The following ZMYM2 variants were observed in gnomAD, a reference collection of about 807,000 sequenced individuals.
ZMYM2 encodes zinc finger MYM-type containing 2.
Under a neutral mutation model 162.8 loss-of-function variants are expected in ZMYM2, and 56 were observed. That is an observed-to-expected ratio of 0.34 (90% confidence interval 0.28 to 0.43). The LOEUF (loss-of-function observed/expected upper bound fraction) is 0.43. Among genes scored for constraint, ZMYM2 ranks in the 20% least tolerant of loss-of-function variants. The pLI, the probability that ZMYM2 is intolerant of heterozygous loss-of-function variation, is 1.00. For missense variants in ZMYM2, 1,275 were observed against 1,621.8 expected (o/e 0.79, Z 3.67); for synonymous variants, 510 against 541.6 (o/e 0.94, Z 0.81).
Position 20,019,616 on chromosome 13 carries a change from G to A in ZMYM2, c.1582G>A (p.Glu528Lys). The A allele has an allele frequency of 6.3e-7, 1 of 1,591,072 alleles. No individual in the cohort carries two copies. Among genetic ancestry groups the A allele is most frequent in the South Asian group, 1.2e-5 (1 of 86,948 alleles). ...GCAGGACTCTTTCTTAATGCAGCCT[G>A]AGGTAAGCAGGAATGTAAATGGAGT... Reference protein sequence around the residue: ...HMQDSFLMQPEKYGKLTTCTG... With the variant: ...HMQDSFLMQPKKYGKLTTCTG... The change falls in exon 7 of 25, where the codon GAG becomes AAG. Residue 528 changes from glutamate (E) to lysine (K), a missense_variant and splice_region_variant. Physicochemically the swap from Glu to Lys is moderately conservative, Grantham distance 56 (BLOSUM62 1). Around this residue, in one of 10 missense-constraint regions of ZMYM2, gnomAD observed 276 missense variants for 311.8 expected, o/e 0.89. Coordinates refer to ENST00000610343, the MANE Select transcript of ZMYM2 (RefSeq NM_197968.4).
chr13:19,918,318 G>A, the ZMYM2 span, among the ~76,000 whole-genome samples: 104,557 of 150,780 alleles, frequency 0.69, 37,322 homozygotes, highest in East Asian at 0.85. Flanking sequence ...GATGGCAGGC[G>A]CCTATAGTCC....
upstream of ZMYM2, among the ~76,000 whole-genome samples, chr13:19,957,597 C>A (rs1039806269): frequency 3.9e-5 from 6 of 152,244 alleles, no homozygotes; most frequent in South Asian, 2.1e-4. Flanking sequence ...TCCGCTCCCC[C>A]CGGCGGCCGC....
chr13:20,057,702 A>T (rs1005768598), intron 14 of ZMYM2, among the ~76,000 whole-genome samples: 1 of 152,248 alleles, frequency 6.6e-6, no homozygotes, highest in Non-Finnish European at 1.5e-5. Flanking sequence ...TTATTAAAAA[A>T]TACTGTATGA....
the ZMYM2 span, among the ~76,000 whole-genome samples, chr13:19,918,980 G>T: frequency 6.6e-6 from 1 of 152,036 alleles, no homozygotes; most frequent in Non-Finnish European, 1.5e-5. Context: ...TCACCTCAAA[G>T]ATGTCCCATG....
At position 19,993,248 on chromosome 13, in the gene ZMYM2, A is replaced by T. The variant is rs1317869278; in HGVS notation, c.176A>T (p.Asp59Val). 1.2e-6 allele frequency: 2 copies of T among 1,613,966 alleles called. No individual in the cohort carries two copies. Among genetic ancestry groups the T allele is most frequent in the Non-Finnish European group, 8.5e-7 (1 of 1,179,888 alleles). ...AACTCGTCAGTGGAAGATGATGATG[A>T]TGTTGTTTTTATCGAACCTGTACAA... ...FQNSSVEDDDDVVFIEPVQPP... is the reference protein window; with the variant it reads ...FQNSSVEDDDVVVFIEPVQPP... Residue 59 changes from aspartate to valine, a missense_variant, in exon 3 of 25, where the codon GAT becomes GTT. Physicochemically the swap from Asp to Val is radical, Grantham distance 152. Coordinates refer to ENST00000610343, the MANE Select transcript of ZMYM2 (RefSeq NM_197968.4).
At chr13:20,077,080 G>A (rs559426251) in intron 21 of ZMYM2, among the ~76,000 whole-genome samples, 5 of 150,296 alleles carry the variant, frequency 3.3e-5, no homozygotes, top group South Asian at 2.1e-4. Flanking sequence ...GAGCCACCAC[G>A]CCTGGCCTCT....
chr13:20,069,946 A>G (rs1165212942), intron 21 of ZMYM2, among the ~76,000 whole-genome samples: 5 of 152,026 alleles, frequency 3.3e-5, no homozygotes, highest in Non-Finnish European at 4.4e-5. Flanking sequence ...GATCTAGTCA[A>G]GGGGTTTTTG....
the ZMYM2 span, among the ~76,000 whole-genome samples, chr13:19,947,553 G>A: frequency 2.0e-5 from 3 of 149,056 alleles, no homozygotes; most frequent in East Asian, 6.0e-4. Context: ...TCCGCCTCTG[G>A]GTTCGAGCGA....
the ZMYM2 span, among the ~76,000 whole-genome samples, chr13:19,948,731 G>A: frequency 4.6e-5 from 7 of 152,168 alleles, no homozygotes; most frequent in East Asian, 1.9e-4. Flanking sequence ...GTAACAAAAC[G>A]TACCACTCTG....
chr13:20,052,871 A>T (rs1450018414), intron 14 of ZMYM2, among the ~76,000 whole-genome samples: 2 of 152,222 alleles, frequency 1.3e-5, no homozygotes, highest in East Asian at 3.8e-4. Context: ...GCTGAGGCAG[A>T]TTATTAATGG....
intron 10 of ZMYM2, among the ~76,000 whole-genome samples, chr13:20,031,869 T>TA (rs1953181622): frequency 6.6e-6 from 1 of 150,508 alleles, no homozygotes; most frequent in African/African-American, 2.4e-5. Flanking sequence ...GTAATTGTTT[T>TA]TTTTTTTTTT....
chr13:20,010,423 G>A (rs1468673208), intron 6 of ZMYM2, among the ~76,000 whole-genome samples: 1 of 151,940 alleles, frequency 6.6e-6, no homozygotes, highest in Non-Finnish European at 1.5e-5. Flanking sequence ...GCCTGGTCTC[G>A]AACTCCTAAG....
the ZMYM2 span, among the ~76,000 whole-genome samples, chr13:19,918,005 C>A: frequency 1.3e-5 from 2 of 152,084 alleles, no homozygotes; most frequent in Admixed American, 6.5e-5. Flanking sequence ...TGCAGTGAGT[C>A]AAGATCGTGC....
the ZMYM2 span, chr13:19,864,117 G>A: frequency 2.0e-5 from 3 of 152,580 alleles, no homozygotes; most frequent in Non-Finnish European, 2.9e-5. Flanking sequence ...GGATGCCCCA[G>A]CGCCCTCCCT....
At chr13:20,059,378 T>C (rs1956064279) in intron 15 of ZMYM2, 69 bp from the exon 16 acceptor site, 22 of 1,535,780 alleles carry the variant, frequency 1.4e-5, no homozygotes, top group Non-Finnish European at 1.8e-5. Flanking sequence ...TATCAAATTA[T>C]TTTAACATTG....
intron 2 of ZMYM2, 40 bp from the exon 3 acceptor site, chr13:19,993,023 C>G: frequency 6.6e-7 from 1 of 1,526,678 alleles, no homozygotes; most frequent in Non-Finnish European, 8.8e-7. Flanking sequence ...CATAAAAAGT[C>G]ATACTGACAT....
At chr13:19,883,343 G>T in the ZMYM2 span, among the ~76,000 whole-genome samples, 1 of 152,202 alleles carries the variant, frequency 6.6e-6, no homozygotes, top group East Asian at 1.9e-4. Context: ...GCACAAAATT[G>T]TGAATATACT....
intron 2 of ZMYM2, chr13:19,965,399 G>C (rs967956690): frequency 4.2e-6 from 2 of 476,842 alleles, no homozygotes; most frequent in Non-Finnish European, 6.8e-6. Flanking sequence ...CTTTTTCCTA[G>C]GAAGAATAGT....
chr13:19,923,663 CTTTTTTTTTTTTTTTT>C, the ZMYM2 span, among the ~76,000 whole-genome samples: 4 of 72,040 alleles, frequency 5.6e-5, no homozygotes, highest in Non-Finnish European at 1.0e-4. Flanking sequence ...CCTGTAGGGA[CTTTTTTTTTTTTTTTT>C]TTTTTTTTTT....
Sources: gnomAD v4.1 joint callset for allele counts (sites outside exome capture counted in the v4.1 genomes callset) on GRCh38, gnomAD v4.1.1 for gene constraint, gnomAD v4.1.1 regional missense constraint, MANE v1.5 for transcripts, NCBI Gene and HGNC (gene_info 2026-07-23, HGNC 2026-07-21) for gene names.